The following DAB1 variants were observed in gnomAD, a reference collection of about 807,000 sequenced individuals.
DAB1 encodes the protein DAB adaptor protein 1, also known as disabled homolog 1.
DAB1 carries 15 observed loss-of-function variants against 64.6 expected under a neutral mutation model. That is an observed-to-expected ratio of 0.23 (90% confidence interval 0.16 to 0.36). The LOEUF (loss-of-function observed/expected upper bound fraction) is 0.36. DAB1 is among the 10% of genes least tolerant of loss of function. The probability of loss-of-function intolerance (pLI) is 1.00; values close to 1 mark genes in which losing one functional copy is unlikely to be tolerated. For synonymous variants in DAB1, 235 were observed against 251.9 expected (o/e 0.93, Z 0.64); for missense variants, 596 against 706.7 (o/e 0.84, Z 1.78).
intron 14 of DAB1, among the ~76,000 whole-genome samples, chr1:57,007,532 T>C (rs1422337687): frequency 2.0e-5 from 3 of 152,194 alleles, no homozygotes; most frequent in African/African-American, 7.2e-5. Flanking sequence ...AGTGAAGTAA[T>C]TGAAGATACT....
intron 5 of DAB1, among the ~76,000 whole-genome samples, chr1:57,969,965 G>A (rs1252782032): frequency 6.6e-6 from 1 of 152,080 alleles, no homozygotes; most frequent in Non-Finnish European, 1.5e-5. Context: ...AGGTCTTAGA[G>A]GTAAAGCCTT....
chr1:57,387,692 C>T (rs913036432), intron 1 of DAB1, among the ~76,000 whole-genome samples: 10 of 151,924 alleles, frequency 6.6e-5, no homozygotes, highest in African/African-American at 2.4e-4. Flanking sequence ...CATGGTGGCG[C>T]ACACCTGTAG....
chr1:57,267,399 G>A (rs565666681), intron 2 of DAB1, among the ~76,000 whole-genome samples: 5 of 152,202 alleles, frequency 3.3e-5, no homozygotes, highest in Non-Finnish European at 5.9e-5. Context: ...AAATGAACAC[G>A]GAGAGATATT....
chr1:57,398,043 T>C (rs370960905), intron 1 of DAB1, among the ~76,000 whole-genome samples: 10 of 152,324 alleles, frequency 6.6e-5, no homozygotes, highest in African/African-American at 2.2e-4. Context: ...CCTGGTAAAA[T>C]TGTTAACAAC....
chr1:57,586,622 A>G (rs114439116), intron 7 of DAB1, among the ~76,000 whole-genome samples: 321 of 152,152 alleles, frequency 2.1e-3, no homozygotes, highest in Non-Finnish European at 3.4e-3. Flanking sequence ...ATCAGGTCAG[A>G]TTCTTTCTTC....
rs551933047 is a variant in DAB1 at position 57,844,873 on chromosome 1, A to T, written n.88-18418T>A. 1.6e-4 allele frequency among the ~76,000 whole-genome samples: 25 copies of T among 151,998 alleles called. No individual in the cohort carries two copies. In the East Asian group the frequency reaches 4.7e-3, roughly 28 times the overall value. On this transcript the variant is annotated intron_variant and non_coding_transcript_variant, in intron 1 of 1. Transcript: ENST00000477280. ...ACTCCCACCTGCCCAGGTAACAGTT[A>T]CCCATCCCCTCCACCCCCGCCAGCT...
chr1:57,010,841 A>G, intron 13 of DAB1, 51 bp from the exon 14 acceptor site: 2 of 1,341,944 alleles, frequency 1.5e-6, no homozygotes, highest in Non-Finnish European at 2.0e-6. Flanking sequence ...TCAAGCATTG[A>G]AAATATAAGA....
In DAB1 at chr1:57,386,388, C is replaced by A. The variant is rs940037019; in HGVS notation, c.-137+37542G>T. Among the ~76,000 whole-genome samples, 545 of 102,608 alleles carry A rather than the reference C, an allele frequency of 5.3e-3. 5 individuals are homozygous for A. Among genetic ancestry groups the A allele is most frequent in the African/African-American group, 0.018 (484 of 27,098 alleles). The allele number at this position is 102,608 out of a possible 152,430, so 67.3% of individuals were successfully genotyped here. On this transcript the variant is annotated intron_variant, in intron 1 of 14. Transcript: ENST00000371236. Reference sequence around the variant, plus strand: ...TGGGAAAAAAAAAAAAAAAAAAAAACCCGTCTTTTTCATCTCCATAAACAC... The same window carrying A: ...TGGGAAAAAAAAAAAAAAAAAAAAAACCGTCTTTTTCATCTCCATAAACAC...
At chr1:57,909,691 T>C (rs957319335) in intron 5 of DAB1, among the ~76,000 whole-genome samples, 3 of 152,242 alleles carry the variant, frequency 2.0e-5, no homozygotes, top group African/African-American at 7.2e-5. Flanking sequence ...AGGTTTAGTA[T>C]CTTAATTATG....
chr1:58,061,670 T>G (rs908563177), intron 5 of DAB1, among the ~76,000 whole-genome samples: 1 of 152,118 alleles, frequency 6.6e-6, no homozygotes, highest in African/African-American at 2.4e-5. Context: ...ACATATAAAT[T>G]TGGGGTGAGA....
chr1:57,071,454 C>CT, intron 6 of DAB1, 68 bp downstream of exon 6: 1 of 1,549,352 alleles, frequency 6.5e-7, no homozygotes, highest in Non-Finnish European at 8.7e-7. Flanking sequence ...GAAGGCCTGA[C>CT]TGTCAGTTTT....
intron 4 of DAB1, among the ~76,000 whole-genome samples, chr1:58,175,703 G>A (rs902252807): frequency 6.6e-6 from 1 of 152,050 alleles, no homozygotes; most frequent in Non-Finnish European, 1.5e-5. Flanking sequence ...TACTGCATTG[G>A]AGTCAATATA....
At chr1:57,181,161 GA>G (rs1662887583) in intron 2 of DAB1, among the ~76,000 whole-genome samples, 1 of 152,154 alleles carries the variant, frequency 6.6e-6, no homozygotes, top group Non-Finnish European at 1.5e-5. Context: ...AAGTGGAAGG[GA>G]AAAGAAGTGA....
chr1:57,884,624 T>C (rs183700680), upstream of DAB1, among the ~76,000 whole-genome samples: 1 of 152,362 alleles, frequency 6.6e-6, no homozygotes. Context: ...ACAAAGTTTG[T>C]ACAATTTTAC....
intron 7 of DAB1, among the ~76,000 whole-genome samples, chr1:57,586,716 C>A (rs954739581): frequency 6.6e-6 from 1 of 151,336 alleles, no homozygotes; most frequent in Non-Finnish European, 1.5e-5. Flanking sequence ...GCATTTTTTC[C>A]TACTTCCATT....
intron 7 of DAB1, among the ~76,000 whole-genome samples, chr1:57,573,725 G>A (rs1401886775): frequency 6.6e-6 from 1 of 152,194 alleles, no homozygotes; most frequent in Non-Finnish European, 1.5e-5. Context: ...CCAGGAAGCT[G>A]GAGAAGTTGC....
In DAB1 at chr1:57,777,430, G is replaced by A. The variant is rs1281513897; in HGVS notation, n.551+106569C>T. Among the ~76,000 whole-genome samples, 12 of 151,484 alleles carry A rather than the reference G, an allele frequency of 7.9e-5. No individual in the cohort carries two copies. The South Asian group carries it at 2.1e-3, about 26-fold the overall frequency. On this transcript the variant is annotated intron_variant and non_coding_transcript_variant, in intron 6 of 20. Coordinates refer to the DAB1 transcript ENST00000485760. Reference sequence around the variant, plus strand: ...CTTCTGAGATTCAAATTACGTACACGTTAAATCACTGGATATTGCCCCATG... The same window carrying A: ...CTTCTGAGATTCAAATTACGTACACATTAAATCACTGGATATTGCCCCATG...
intron 1 of DAB1, among the ~76,000 whole-genome samples, chr1:57,354,087 A>C (rs1678855198): frequency 6.6e-6 from 1 of 152,096 alleles, no homozygotes; most frequent in African/African-American, 2.4e-5. Flanking sequence ...ACTGCATTTT[A>C]TTTAAACGTG....
intron 7 of DAB1, among the ~76,000 whole-genome samples, chr1:57,434,754 T>C (rs559573463): frequency 6.6e-6 from 1 of 152,330 alleles, no homozygotes; most frequent in East Asian, 1.9e-4. Context: ...CACGTTACTG[T>C]ATTGAATACT....
Sources: gnomAD v4.1 joint callset for allele counts (sites outside exome capture counted in the v4.1 genomes callset) on GRCh38, gnomAD v4.1.1 for gene constraint, MANE v1.5 for transcripts, NCBI Gene and HGNC (gene_info 2026-07-23, HGNC 2026-07-21) for gene names.